The following XKR4 variants were observed in gnomAD, a reference collection of about 807,000 sequenced individuals.
XKR4 encodes XK related 4.
XKR4 carries 12 observed loss-of-function variants against 53.9 expected under a neutral mutation model. The observed-to-expected ratio is 0.22, with a 90% CI of 0.14 to 0.36. The LOEUF (loss-of-function observed/expected upper bound fraction) is 0.36, where lower values mean the gene tolerates loss of function less well. Among genes scored for constraint, XKR4 ranks in the 10% least tolerant of loss-of-function variants. The probability of loss-of-function intolerance (pLI) is 1.00; values close to 1 mark genes in which losing one functional copy is unlikely to be tolerated. For synonymous variants in XKR4, 354 were observed against 362.4 expected (o/e 0.98, Z 0.26); for missense variants, 799 against 859.5 (o/e 0.93, Z 0.88).
At chr8:55,240,447 TTAAC>T (rs1563490810) in intron 1 of XKR4, among the ~76,000 whole-genome samples, 1 of 152,278 alleles carries the variant, frequency 6.6e-6, no homozygotes, top group East Asian at 1.9e-4. Flanking sequence ...ACGGGACAGT[TTAAC>T]TAGCATCTGA....
chr8:55,237,924 C>A (rs1048053734), intron 1 of XKR4, among the ~76,000 whole-genome samples: 1 of 149,124 alleles, frequency 6.7e-6, no homozygotes, highest in Non-Finnish European at 1.5e-5. Context: ...AGCTGAAGAG[C>A]TTAGGTAAGA....
intron 1 of XKR4, among the ~76,000 whole-genome samples, chr8:55,322,911 G>A (rs10097398): frequency 0.065 from 9,879 of 151,938 alleles, 478 homozygotes; most frequent in African/African-American, 0.14. Context: ...CATTCTTCCC[G>A]TGAGGACTTC....
intron 2 of XKR4, among the ~76,000 whole-genome samples, chr8:55,498,953 C>T (rs2129403190): frequency 6.6e-6 from 1 of 152,340 alleles, no homozygotes; most frequent in African/African-American, 2.4e-5. Flanking sequence ...TTTCTAGGAT[C>T]CATCCACTCC....
intron 1 of XKR4, among the ~76,000 whole-genome samples, chr8:55,291,534 T>C (rs1819020073): frequency 6.6e-6 from 1 of 152,218 alleles, no homozygotes; most frequent in African/African-American, 2.4e-5. Context: ...TTTGATTTCT[T>C]TCACCAGCAT....
At position 55,521,133 on chromosome 8, in the gene XKR4, C is replaced by T. The variant is rs532825811; in HGVS notation, c.1007-2148C>T. On this transcript the variant is annotated intron_variant, in intron 2 of 2. Coordinates refer to ENST00000327381, the MANE Select transcript of XKR4 (RefSeq NM_052898.2). ...CGTGAAGGAAGGGGAGGGGCGTTCCCGGGCAGAAACCCAGCTGGGCGCCGC... is the reference window on the plus strand; with the variant it reads ...CGTGAAGGAAGGGGAGGGGCGTTCCTGGGCAGAAACCCAGCTGGGCGCCGC... Among the ~76,000 whole-genome samples the T allele has an allele frequency of 3.9e-5, 6 of 152,318 alleles. No individual in the cohort carries two copies. In the East Asian group the frequency reaches 1.2e-3, roughly 29 times the overall value.
intron 2 of XKR4, among the ~76,000 whole-genome samples, chr8:55,489,998 G>A (rs1343453711): frequency 1.3e-5 from 2 of 152,148 alleles, no homozygotes; most frequent in East Asian, 3.9e-4. Flanking sequence ...CATTATAATT[G>A]TTTTTGCCTA....
rs1199786382 is a variant in XKR4, at chr8:55,171,498, G to T, written c.806+68204G>T. Among the ~76,000 whole-genome samples the T allele has an allele frequency of 2.0e-5, 3 of 152,246 alleles. No individual in the cohort carries two copies. The East Asian group carries it at 5.8e-4, about 29-fold the overall frequency. On this transcript the variant is annotated intron_variant, in intron 1 of 2. Coordinates refer to ENST00000327381, the MANE Select transcript of XKR4 (RefSeq NM_052898.2). ...ATACGTCTCCGTGTCATTTTACCTG[G>T]TGACCAGCTTAGGTCTCCCTGGCCT...
intron 1 of XKR4, among the ~76,000 whole-genome samples, chr8:55,317,856 A>G (rs1273732659): frequency 6.6e-6 from 1 of 152,200 alleles, no homozygotes; most frequent in Non-Finnish European, 1.5e-5. Flanking sequence ...AGGGGCTGAG[A>G]CTCAGGAGCA....
At chr8:55,323,617 C>T (rs1363497844) in intron 1 of XKR4, among the ~76,000 whole-genome samples, 3 of 152,130 alleles carry the variant, frequency 2.0e-5, no homozygotes, top group Non-Finnish European at 2.9e-5. Context: ...GGGTTGTTTC[C>T]AGGTTTGGGT....
chr8:55,374,884 C>T (rs1318497311), intron 2 of XKR4, among the ~76,000 whole-genome samples: 1 of 152,228 alleles, frequency 6.6e-6, no homozygotes, highest in Non-Finnish European at 1.5e-5. Flanking sequence ...GCCCAGAGCA[C>T]ACGTTTTAGG....
intron 2 of XKR4, among the ~76,000 whole-genome samples, chr8:55,424,632 A>T (rs1804987317): frequency 6.6e-6 from 1 of 152,272 alleles, no homozygotes; most frequent in Non-Finnish European, 1.5e-5. Context: ...ACACGTCAGT[A>T]TCACAAAGAG....
intron 2 of XKR4, among the ~76,000 whole-genome samples, chr8:55,498,598 G>A (rs1233995663): frequency 6.6e-6 from 1 of 152,070 alleles, no homozygotes; most frequent in Non-Finnish European, 1.5e-5. Flanking sequence ...GGATAACATG[G>A]CCATCTCTAC....
At chr8:55,387,044 G>T (rs186813555) in intron 2 of XKR4, among the ~76,000 whole-genome samples, 1 of 152,124 alleles carries the variant, frequency 6.6e-6, no homozygotes, top group African/African-American at 2.4e-5. Context: ...GGCTCTCTTT[G>T]TCTCTTTCCC....
intron 1 of XKR4, among the ~76,000 whole-genome samples, chr8:55,356,891 C>A (rs538239546): frequency 1.3e-5 from 2 of 152,112 alleles, no homozygotes; most frequent in African/African-American, 4.8e-5. Flanking sequence ...AAGATGATGA[C>A]GATGAAGGCA....
At chr8:55,235,023 T>C (rs1031884466) in intron 1 of XKR4, among the ~76,000 whole-genome samples, 1 of 152,216 alleles carries the variant, frequency 6.6e-6, no homozygotes, top group African/African-American at 2.4e-5. Flanking sequence ...TAACAACTTA[T>C]TCTTTCACAG....
intron 2 of XKR4, among the ~76,000 whole-genome samples, chr8:55,487,665 C>T (rs1469013200): frequency 6.6e-6 from 1 of 152,100 alleles, no homozygotes; most frequent in Non-Finnish European, 1.5e-5. Flanking sequence ...GATGGGGTTT[C>T]ACCATGTTGG....
At chr8:55,461,848 G>A (rs1805663145) in intron 2 of XKR4, among the ~76,000 whole-genome samples, 1 of 152,218 alleles carries the variant, frequency 6.6e-6, no homozygotes, top group Non-Finnish European at 1.5e-5. Flanking sequence ...AGTAACTGAT[G>A]CGATCAACTG....
intron 1 of XKR4, among the ~76,000 whole-genome samples, chr8:55,286,565 CTGG>C: frequency 1.3e-5 from 2 of 152,146 alleles, no homozygotes; most frequent in Non-Finnish European, 2.9e-5. Context: ...GTGAGCGTCC[CTGG>C]AGAGGGAGCG....
At chr8:55,156,637 G>A (rs1047857541) in intron 1 of XKR4, among the ~76,000 whole-genome samples, 4 of 152,192 alleles carry the variant, frequency 2.6e-5, no homozygotes, top group Non-Finnish European at 5.9e-5. Context: ...AACTAGAAAA[G>A]AATGGAGTGT....
Sources: gnomAD v4.1 joint callset for allele counts (sites outside exome capture counted in the v4.1 genomes callset) on GRCh38, gnomAD v4.1.1 for gene constraint, MANE v1.5 for transcripts, NCBI Gene and HGNC (gene_info 2026-07-23, HGNC 2026-07-21) for gene names.